The following ROBO1 variants were observed in gnomAD, a reference collection of about 807,000 sequenced individuals.
ROBO1 encodes the protein roundabout guidance receptor 1, also known as roundabout homolog 1.
Under a neutral mutation model 195.9 loss-of-function variants are expected in ROBO1, and 149 were observed. The observed-to-expected ratio is 0.76, with a 90% CI of 0.67 to 0.87. The LOEUF (loss-of-function observed/expected upper bound fraction) is 0.87, where lower values mean the gene tolerates loss of function less well. ROBO1 is among the 40% of genes least tolerant of loss of function. ROBO1 has a pLI of 0.00. For missense variants in ROBO1, 1,933 were observed against 2,068.3 expected, an observed-to-expected ratio of 0.93 and a Z score of 1.27; for synonymous variants, 816 against 733.2, an observed-to-expected ratio of 1.11 and a Z score of -1.82.
chr3:79,336,814 G>C (rs1290408129), intron 2 of ROBO1, among the ~76,000 whole-genome samples: 1 of 152,158 alleles, frequency 6.6e-6, no homozygotes, highest in Non-Finnish European at 1.5e-5. Flanking sequence ...GCTGGAAGGG[G>C]GGCTGTACCC....
intron 3 of ROBO1, among the ~76,000 whole-genome samples, chr3:79,093,237 T>C (rs1255890748): frequency 1.3e-5 from 2 of 152,126 alleles, no homozygotes; most frequent in African/African-American, 4.8e-5. Flanking sequence ...AGAGCTTCAG[T>C]GATTCTGAAC....
chr3:78,948,744 T>A (rs1204895879), intron 3 of ROBO1, among the ~76,000 whole-genome samples: 1 of 152,194 alleles, frequency 6.6e-6, no homozygotes, highest in East Asian at 1.9e-4. Flanking sequence ...GCAGATGACA[T>A]GATTGTATAT....
At chr3:78,851,442 C>T (rs928764050) in intron 4 of ROBO1, among the ~76,000 whole-genome samples, 1 of 152,090 alleles carries the variant, frequency 6.6e-6, no homozygotes, top group Admixed American at 6.6e-5. Flanking sequence ...TTGGGTAAGT[C>T]GGGACTCTAA....
In ROBO1 at chr3:79,567,417, A is replaced by G. The variant is rs556286751; in HGVS notation, c.88+22407T>C. ...AGAAAAGGAGAGAATAATAAAATAAACAGTAACATGTACATTTTGTTAAAG... is the reference window on the plus strand; with the variant it reads ...AGAAAAGGAGAGAATAATAAAATAAGCAGTAACATGTACATTTTGTTAAAG... On this transcript the variant is annotated intron_variant, in intron 2 of 30. Coordinates refer to ENST00000464233, the MANE Select transcript of ROBO1 (RefSeq NM_002941.4). 8.5e-5 allele frequency among the ~76,000 whole-genome samples: 13 copies of G among 152,290 alleles called. No homozygotes were observed. In the South Asian group the frequency reaches 2.5e-3, roughly 29 times the overall value.
At chr3:79,603,449 A>G (rs1944396645) in intron 1 of ROBO1, among the ~76,000 whole-genome samples, 1 of 151,826 alleles carries the variant, frequency 6.6e-6, no homozygotes, top group African/African-American at 2.4e-5. Flanking sequence ...CCCCTCTGTG[A>G]CTCTGCTTAG....
At chr3:78,885,909 T>TATATATATATATA (rs2036531933) in intron 4 of ROBO1, among the ~76,000 whole-genome samples, 2 of 117,746 alleles carry the variant, frequency 1.7e-5, no homozygotes, top group Non-Finnish European at 3.4e-5. Context: ...TAGCAAAATT[T>TATATATATATATA]TATATATATA....
At chr3:79,706,183 T>C (rs1947764543) in intron 1 of ROBO1, among the ~76,000 whole-genome samples, 2 of 152,262 alleles carry the variant, frequency 1.3e-5, no homozygotes, top group Middle Eastern at 3.4e-3. Flanking sequence ...ATTTCAAGAA[T>C]AATATTGAAA....
At chr3:79,022,812 T>C (rs1357433581) in intron 3 of ROBO1, among the ~76,000 whole-genome samples, 1 of 152,118 alleles carries the variant, frequency 6.6e-6, no homozygotes, top group Non-Finnish European at 1.5e-5. Context: ...AAATTCAGGA[T>C]CTCCCCTGAG....
At chr3:79,447,724 A>C (rs6790066) in intron 2 of ROBO1, among the ~76,000 whole-genome samples, 1,628 of 152,290 alleles carry the variant, frequency 0.011, 30 homozygotes, top group African/African-American at 0.037. Flanking sequence ...AAGTGTACTA[A>C]TGTTATGGAT....
At chr3:78,651,410 A>G (rs574979573) in intron 19 of ROBO1, among the ~76,000 whole-genome samples, 17 of 152,312 alleles carry the variant, frequency 1.1e-4, no homozygotes, top group Admixed American at 3.3e-4. Flanking sequence ...GAACATTAAA[A>G]ATTTCCTTCA....
At chr3:79,338,105 G>A (rs1049726998) in intron 2 of ROBO1, among the ~76,000 whole-genome samples, 1 of 152,072 alleles carries the variant, frequency 6.6e-6, no homozygotes, top group Non-Finnish European at 1.5e-5. Context: ...TTTAAAAAGT[G>A]TTGAATTCCT....
At chr3:79,154,030 G>A (rs997209850) in intron 2 of ROBO1, among the ~76,000 whole-genome samples, 1 of 151,618 alleles carries the variant, frequency 6.6e-6, no homozygotes, top group Middle Eastern at 3.4e-3. Context: ...CACAGTATTT[G>A]TCACTATCTG....
intron 2 of ROBO1, among the ~76,000 whole-genome samples, chr3:79,332,908 T>G (rs1389860107): frequency 6.6e-6 from 1 of 152,058 alleles, no homozygotes; most frequent in Non-Finnish European, 1.5e-5. Flanking sequence ...TAATAAAATA[T>G]CACTTTAATA....
intron 3 of ROBO1, among the ~76,000 whole-genome samples, chr3:78,955,833 C>T (rs1274234948): frequency 6.6e-6 from 1 of 151,952 alleles, no homozygotes; most frequent in Non-Finnish European, 1.5e-5. Context: ...CTGAGAAATC[C>T]CTATAGGAAT....
intron 4 of ROBO1, among the ~76,000 whole-genome samples, chr3:78,916,621 C>T (rs1217401952): frequency 6.7e-6 from 1 of 149,914 alleles, no homozygotes; most frequent in African/African-American, 2.4e-5. Flanking sequence ...TTTATGTAAT[C>T]TTTTATCAAT....
intron 22 of ROBO1, 110 bp from the exon 23 acceptor site, chr3:78,636,218 A>C (rs540590706): frequency 5.2e-4 from 373 of 722,686 alleles, no homozygotes; most frequent in Middle Eastern, 2.4e-3. Context: ...GTAAAGTACA[A>C]GTGGGCTTAA....
At chr3:79,387,196 G>A (rs935120610) in intron 2 of ROBO1, among the ~76,000 whole-genome samples, 30 of 152,060 alleles carry the variant, frequency 2.0e-4, no homozygotes, top group African/African-American at 6.8e-4. Flanking sequence ...TGCATGAAAA[G>A]ATTCTTACAA....
intron 21 of ROBO1, among the ~76,000 whole-genome samples, chr3:78,642,410 C>T (rs375373717): frequency 3.3e-5 from 5 of 152,264 alleles, no homozygotes; most frequent in African/African-American, 1.2e-4. Context: ...AGGCTATAGG[C>T]TGTCTCCCCT....
At chr3:79,061,738 C>T (rs1324517969) in intron 3 of ROBO1, among the ~76,000 whole-genome samples, 1 of 152,106 alleles carries the variant, frequency 6.6e-6, no homozygotes, top group Non-Finnish European at 1.5e-5. Context: ...CTGACAAAAA[C>T]AAGCAATGGG....
Sources: allele counts gnomAD v4.1 joint callset (sites outside exome capture counted in the v4.1 genomes callset), GRCh38; gene constraint gnomAD v4.1.1; transcripts MANE v1.5; gene names NCBI Gene and HGNC (gene_info 2026-07-23, HGNC 2026-07-21).